Variants in COA1 observed in about 807,000 individuals in gnomAD.
COA1 encodes the protein cytochrome c oxidase assembly factor 1 homolog.
Under a neutral mutation model 16.0 loss-of-function variants are expected in COA1, and 13 were observed. The ratio of observed to expected loss-of-function variants is 0.81; its 90% CI spans 0.53 to 1.29. COA1 has a LOEUF of 1.29. Ranked by LOEUF, COA1 falls within the 50% of genes most tolerant of loss-of-function variation. The pLI, the probability that COA1 is intolerant of heterozygous loss-of-function variation, is 0.00. For synonymous variants in COA1, 65 were observed against 65.7 expected (o/e 0.99, Z 0.05); for missense variants, 179 against 177.0 (o/e 1.01, Z -0.06).
chr7:43,689,480 A>G (rs2094179294), intron 1 of COA1, among the ~76,000 whole-genome samples: 1 of 150,582 alleles, frequency 6.6e-6, no homozygotes, highest in East Asian at 1.9e-4. Flanking sequence ...TTTGGCTAGA[A>G]TTTTTTTTTT....
At chr7:43,712,381 G>A (rs2095278902) in intron 1 of COA1, among the ~76,000 whole-genome samples, 1 of 152,150 alleles carries the variant, frequency 6.6e-6, no homozygotes, top group Non-Finnish European at 1.5e-5. Context: ...ACAAAGTGCT[G>A]GGATTACAGG....
chr7:43,629,693 G>A (rs1414021215), intron 6 of COA1, among the ~76,000 whole-genome samples: 1 of 152,138 alleles, frequency 6.6e-6, no homozygotes, highest in African/African-American at 2.4e-5. Context: ...GAAATTTATA[G>A]TAACAAAATT....
intron 1 of COA1, among the ~76,000 whole-genome samples, chr7:43,656,343 G>A (rs1008522963): frequency 3.3e-5 from 5 of 152,322 alleles, no homozygotes; most frequent in African/African-American, 7.2e-5. Flanking sequence ...CTTAAAAATA[G>A]AAGACTTGGA....
intron 6 of COA1, among the ~76,000 whole-genome samples, chr7:43,617,136 T>C (rs1334156440): frequency 2.0e-5 from 3 of 151,110 alleles, no homozygotes; most frequent in Non-Finnish European, 4.4e-5. Context: ...CCCAGCTTCA[T>C]GGAGCCGGGG....
At chr7:43,715,524 T>A (rs1013488712) in intron 1 of COA1, among the ~76,000 whole-genome samples, 1 of 152,258 alleles carries the variant, frequency 6.6e-6, no homozygotes. Flanking sequence ...CTTGTTTACC[T>A]TCTTAATGAT....
rs762108632 is a variant in COA1 at position 43,648,609 on chromosome 7, C to G, written c.6G>C (p.Met2Ile). Residue 2 changes from methionine to isoleucine, a missense_variant, in exon 2 of 6, where the codon ATG (methionine) becomes ATC (isoleucine). Met to Ile is a conservative substitution (Grantham distance 10, BLOSUM62 1). Coordinates refer to ENST00000223336, the MANE Select transcript of COA1 (RefSeq NM_018224.4). M[M>I]WQKYAGSRRS... is the part of the protein sequence containing the mutation. Reference sequence around the variant, plus strand: ...TGGAACATTCCATTACCTTTTGCCACATCATAGCACAACTCTCTTGAAAAT... The same window carrying G: ...TGGAACATTCCATTACCTTTTGCCAGATCATAGCACAACTCTCTTGAAAAT... 1.3e-5 allele frequency: 21 copies of G among 1,614,080 alleles called. 1 individual carries two copies. The highest frequency in any genetic ancestry group is 1.7e-4 in the Middle Eastern group (1 of 6,058).
At chr7:43,665,058 A>G (rs1467097456) in intron 1 of COA1, among the ~76,000 whole-genome samples, 1 of 152,196 alleles carries the variant, frequency 6.6e-6, no homozygotes, top group Non-Finnish European at 1.5e-5. Flanking sequence ...AATAAAAAAG[A>G]AATATATGAA....
intron 1 of COA1, among the ~76,000 whole-genome samples, chr7:43,691,265 A>AAAAGAAAAGAAAGAAAG (rs1554541882): frequency 8.7e-5 from 4 of 45,932 alleles, no homozygotes; most frequent in East Asian, 7.1e-4. Context: ...AGAAAGAAAG[A>AAAAGAAAAGAAAGAAAG]AAAGAAAGAA....
chr7:43,637,176 C>CTGA (rs2086028064), downstream of COA1, among the ~76,000 whole-genome samples: 1 of 152,236 alleles, frequency 6.6e-6, no homozygotes, highest in Non-Finnish European at 1.5e-5. Flanking sequence ...TTCCCCCTAA[C>CTGA]TGATATCTCT....
chr7:43,673,117 A>C (rs1381647224), intron 1 of COA1, among the ~76,000 whole-genome samples: 19 of 152,270 alleles, frequency 1.2e-4, no homozygotes, highest in Admixed American at 1.2e-3. Flanking sequence ...CAAAGATTTC[A>C]TGAAGATGCC....
intron 1 of COA1, among the ~76,000 whole-genome samples, chr7:43,697,903 A>G (rs2094580187): frequency 6.6e-6 from 1 of 152,230 alleles, no homozygotes; most frequent in African/African-American, 2.4e-5. Context: ...GACTCATGTG[A>G]GCATCTAAAA....
chr7:43,634,348 G>A (rs144147438), downstream of COA1, among the ~76,000 whole-genome samples: 197 of 152,324 alleles, frequency 1.3e-3, 1 homozygote, highest in African/African-American at 4.5e-3. Flanking sequence ...CCAAGTGGGT[G>A]ACGGGGGCAT....
intron 1 of COA1, among the ~76,000 whole-genome samples, chr7:43,683,628 T>G (rs928332914): frequency 5.3e-5 from 8 of 151,878 alleles, no homozygotes; most frequent in African/African-American, 1.9e-4. Flanking sequence ...AGCGAGACTC[T>G]GTCTCAAAAA....
At chr7:43,630,514 A>C (rs1475503145) in intron 6 of COA1, among the ~76,000 whole-genome samples, 1 of 152,158 alleles carries the variant, frequency 6.6e-6, no homozygotes, top group African/African-American at 2.4e-5. Flanking sequence ...GGGAAGAGAT[A>C]TGTTTAATCC....
chr7:43,726,031 A>G (rs2095610443), intron 1 of COA1, among the ~76,000 whole-genome samples: 1 of 152,150 alleles, frequency 6.6e-6, no homozygotes, highest in Admixed American at 6.6e-5. Context: ...CATACATTAA[A>G]TAATCTTCAA....
intron 6 of COA1, among the ~76,000 whole-genome samples, chr7:43,613,693 A>C (rs981983905): frequency 6.6e-6 from 1 of 152,114 alleles, no homozygotes; most frequent in Non-Finnish European, 1.5e-5. Context: ...AAATTAAAAA[A>C]ATCAGCCAGC....
At chr7:43,722,431 G>A (rs1181177008) in intron 1 of COA1, among the ~76,000 whole-genome samples, 3 of 148,540 alleles carry the variant, frequency 2.0e-5, no homozygotes, top group Non-Finnish European at 3.0e-5. Context: ...CGAGAGTCTC[G>A]TTCTATCGCC....
intron 6 of COA1, among the ~76,000 whole-genome samples, chr7:43,616,822 G>A (rs1563159726): frequency 6.6e-6 from 1 of 152,170 alleles, no homozygotes; most frequent in Non-Finnish European, 1.5e-5. Context: ...GCCTGAACCT[G>A]GGAGGTGGAG....
intron 1 of COA1, among the ~76,000 whole-genome samples, chr7:43,685,778 C>G (rs1283728040): frequency 6.6e-6 from 1 of 152,150 alleles, no homozygotes; most frequent in Non-Finnish European, 1.5e-5. Context: ...GCCAAGAAGA[C>G]TGATGTTTTT....
Sources: gnomAD v4.1 joint callset for allele counts (sites outside exome capture counted in the v4.1 genomes callset) on GRCh38, gnomAD v4.1.1 for gene constraint, MANE v1.5 for transcripts, NCBI Gene and HGNC (gene_info 2026-07-23, HGNC 2026-07-21) for gene names.